Variants in COL14A1 observed in about 807,000 individuals in gnomAD.
The protein encoded by COL14A1 is collagen alpha-1(XIV) chain.
In COL14A1, 136 loss-of-function variants were observed where a neutral mutation model predicts 230.3. The ratio of observed to expected loss-of-function variants is 0.59; its 90% confidence interval spans 0.51 to 0.68. The LOEUF (loss-of-function observed/expected upper bound fraction) is 0.68, where lower values mean the gene tolerates loss of function less well. Ranked by LOEUF, COL14A1 falls within the 30% of genes least tolerant of loss-of-function variation. The pLI is 0.00. For synonymous variants in COL14A1, 792 were observed against 784.1 expected (o/e 1.01, Z -0.17); for missense variants, 1,976 against 2,215.8 (o/e 0.89, Z 2.17).
intron 45 of COL14A1, among the ~76,000 whole-genome samples, chr8:120,360,909 A>G (rs77777296): frequency 0.026 from 3,908 of 152,176 alleles, 148 homozygotes; most frequent in African/African-American, 0.084. Flanking sequence ...ATTGAGGAAG[A>G]TTGGAGGGTA....
At chr8:120,369,506 C>T (rs764798434) in intron 47 of COL14A1, 21 bp downstream of exon 47, 20 of 1,519,198 alleles carry the variant, frequency 1.3e-5, no homozygotes, top group East Asian at 1.2e-4. Flanking sequence ...CAAAAAGCCC[C>T]GCTTGTGGGC....
At chr8:120,136,120 G>A (rs1814700620) in intron 1 of COL14A1, among the ~76,000 whole-genome samples, 1 of 151,862 alleles carries the variant, frequency 6.6e-6, no homozygotes, top group South Asian at 2.1e-4. Context: ...GATTGCACTG[G>A]CTAGGACCTC....
intron 45 of COL14A1, among the ~76,000 whole-genome samples, chr8:120,360,660 T>C (rs913100293): frequency 6.6e-6 from 1 of 152,228 alleles, no homozygotes; most frequent in Non-Finnish European, 1.5e-5. Context: ...GCTCTCATAT[T>C]CTGCTGTAGC....
At chr8:120,332,777 A>G (rs371361678) in intron 42 of COL14A1, 42 bp downstream of exon 42, 6 of 1,502,588 alleles carry the variant, frequency 4.0e-6, no homozygotes, top group Middle Eastern at 1.7e-4. Context: ...AGGCCCAGTC[A>G]TCACGTTTAT....
At chr8:120,325,392 C>A (rs540612006) in intron 40 of COL14A1, among the ~76,000 whole-genome samples, 53 of 152,268 alleles carry the variant, frequency 3.5e-4, no homozygotes, top group African/African-American at 1.2e-3. Context: ...AAAAAGTCAG[C>A]CTAAGTGAAT....
chr8:120,158,829 T>A (rs1000886767), intron 3 of COL14A1, among the ~76,000 whole-genome samples: 4 of 152,210 alleles, frequency 2.6e-5, no homozygotes, highest in Non-Finnish European at 5.9e-5. Flanking sequence ...TAATGAAGTA[T>A]CTTTCAACAT....
At chr8:120,225,011 G>C (rs1384356266) in intron 14 of COL14A1, 77 bp from the exon 15 acceptor site, 14 of 1,390,552 alleles carry the variant, frequency 1.0e-5, no homozygotes, top group Non-Finnish European at 1.4e-5. Context: ...TCAGCTAAGC[G>C]AGCTACAGAC....
At position 120,182,726 on chromosome 8, in the gene COL14A1, G is replaced by GGTTTTTT. The variant is rs1554603200; in HGVS notation, c.437-14065_437-14064insGTTTTTT. Among the ~76,000 whole-genome samples, 51 of 129,022 alleles carry GGTTTTTT rather than the reference G, an allele frequency of 4.0e-4. 5 individuals carry two copies. The highest frequency in any genetic ancestry group is 3.9e-4 in the Non-Finnish European group (24 of 60,844). 84.6% of individuals were successfully genotyped at this position (129,022 alleles called of 152,430 possible). A position where few individuals can be genotyped will look rare whatever the true frequency, so the allele number is the denominator to read the frequency against. ...AACTTAATTTTTTTTATTTTTCTTC[G>GGTTTTTT]TTTTTTTTTTTTTTTTTTGAGGTGG... On this transcript the variant is annotated intron_variant, in intron 5 of 47. Coordinates refer to ENST00000297848, the MANE Select transcript of COL14A1 (RefSeq NM_021110.4).
rs112335489 is a variant in COL14A1, at chr8:120,142,582, T to A, written c.-37-5224T>A. 5.8e-3 allele frequency among the ~76,000 whole-genome samples: 885 copies of A among 152,348 alleles called. 9 individuals are homozygous for A. The highest frequency in any genetic ancestry group is 0.018 in the African/African-American group (761 of 41,580). ...TAGCATGTACACTGAATGTATTGCCTATTCCATTAGGAATTTTAAGGAATT... is the reference window on the plus strand; with the variant it reads ...TAGCATGTACACTGAATGTATTGCCAATTCCATTAGGAATTTTAAGGAATT... On this transcript the variant is annotated intron_variant, in intron 1 of 47. Transcript: ENST00000297848.
rs1817750401 is a variant in COL14A1 at position 120,216,343 on chromosome 8, C to T, written c.1598-8C>T. 1 of 1,594,790 alleles carries T rather than the reference C, an allele frequency of 6.3e-7. No individual in the cohort carries two copies. On this transcript the variant is annotated splice_polypyrimidine_tract_variant and splice_region_variant and intron_variant, in intron 13 of 47. Transcript: ENST00000297848. ...TTTTAATTATTTTCTATTCCATTTA[C>T]TGCCAAGTGGCTTTAAGTCCACCAA...
At chr8:120,169,427 C>T (rs1367043001) in intron 5 of COL14A1, among the ~76,000 whole-genome samples, 2 of 152,012 alleles carry the variant, frequency 1.3e-5, no homozygotes, top group Non-Finnish European at 2.9e-5. Context: ...AATTATATAT[C>T]ATTTGTTTAA....
intron 11 of COL14A1, among the ~76,000 whole-genome samples, 171 bp from the exon 12 acceptor site, chr8:120,209,585 A>G (rs1268538006): frequency 6.6e-6 from 1 of 152,172 alleles, no homozygotes; most frequent in African/African-American, 2.4e-5. Flanking sequence ...ATTTGAAAAC[A>G]GCAGTGTTTC....
intron 5 of COL14A1, among the ~76,000 whole-genome samples, chr8:120,185,278 T>C (rs926936985): frequency 6.6e-6 from 1 of 152,178 alleles, no homozygotes; most frequent in African/African-American, 2.4e-5. Context: ...ACCATCTGTG[T>C]TGCATTCTGT....
intron 25 of COL14A1, among the ~76,000 whole-genome samples, chr8:120,269,708 G>A (rs1349343901): frequency 1.3e-5 from 2 of 151,598 alleles, no homozygotes; most frequent in Non-Finnish European, 3.0e-5. Flanking sequence ...CTGATACTTC[G>A]ATCTCTGAAT....
At chr8:120,274,412 G>A (rs1483919110) in intron 26 of COL14A1, among the ~76,000 whole-genome samples, 2 of 151,730 alleles carry the variant, frequency 1.3e-5, no homozygotes, top group Non-Finnish European at 2.9e-5. Flanking sequence ...TCTGAGAACT[G>A]GAACAAGACA....
At chr8:120,339,564 T>G (rs1171047272) in intron 42 of COL14A1, among the ~76,000 whole-genome samples, 1 of 152,168 alleles carries the variant, frequency 6.6e-6, no homozygotes, top group Non-Finnish European at 1.5e-5. Flanking sequence ...ATCACTTCAT[T>G]TAGTGGCCTC....
intron 36 of COL14A1, among the ~76,000 whole-genome samples, chr8:120,304,598 AG>A (rs1244211957): frequency 3.3e-5 from 5 of 152,198 alleles, no homozygotes; most frequent in Non-Finnish European, 2.9e-5. Flanking sequence ...ATTTAACTTC[AG>A]TAATGCTTTT....
Position 120,225,135 on chromosome 8 carries a change from T to G in COL14A1, c.1785T>G (p.Pro595=), listed in dbSNP as rs1399960507. ...CCTTCCCTCTGAAGGGCTTGACACC[T>G]CTCACAGAGTATACTATTGCTATTT... is the stretch of plus-strand genomic sequence containing the variant. ...ITTFPLKGLT[P]LTEYTIAIFS... The change falls in exon 15 of 48, where the codon CCT becomes CCG. Residue 595 remains proline (P), a synonymous_variant. Transcript: ENST00000297848. The G allele has an allele frequency of 3.7e-6, 6 of 1,612,640 alleles. No individual in the cohort carries two copies. The African/African-American group carries it at 8.0e-5, about 22-fold the overall frequency.
intron 18 of COL14A1, 140 bp downstream of exon 18, chr8:120,228,909 C>T (rs752592901): frequency 1.6e-4 from 110 of 704,014 alleles, no homozygotes; most frequent in Non-Finnish European, 2.3e-4. Flanking sequence ...TCAAATTTCA[C>T]GCCTCTCAGA....
Sources: allele counts gnomAD v4.1 joint callset (sites outside exome capture counted in the v4.1 genomes callset), GRCh38; gene constraint gnomAD v4.1.1; transcripts MANE v1.5; gene names NCBI Gene and HGNC (gene_info 2026-07-23, HGNC 2026-07-21).